The following DNASE1 variants were observed in gnomAD, a reference collection of about 807,000 sequenced individuals.
The protein encoded by DNASE1 is deoxyribonuclease-1.
Under a neutral mutation model 33.9 loss-of-function variants are expected in DNASE1, and 40 were observed. The observed-to-expected ratio is 1.18, with a 90% CI of 0.92 to 1.54. The LOEUF (loss-of-function observed/expected upper bound fraction) is 1.54, where lower values mean the gene tolerates loss of function less well. DNASE1 is among the 40% of genes most tolerant of loss of function. The pLI, the probability that DNASE1 is intolerant of heterozygous loss-of-function variation, is 0.00. For missense variants in DNASE1, 518 were observed against 372.6 expected (o/e 1.39, Z -3.21); for synonymous variants, 216 against 160.0 (o/e 1.35, Z -2.64).
At chr16:3,645,384 T>C (rs1244302612) in intron 1 of DNASE1, among the ~76,000 whole-genome samples, 1 of 152,152 alleles carries the variant, frequency 6.6e-6, no homozygotes, top group Admixed American at 6.6e-5. Context: ...CACACTGGAG[T>C]CCAGTTGCAG....
intron 1 of DNASE1, among the ~76,000 whole-genome samples, chr16:3,620,007 CG>C (rs1366399886): frequency 6.6e-6 from 1 of 151,628 alleles, no homozygotes; most frequent in Non-Finnish European, 1.5e-5. Context: ...CCCCCGCCTC[CG>C]GGGTTCAAGT....
chr16:3,614,131 C>T (rs556001542), intron 1 of DNASE1, among the ~76,000 whole-genome samples: 2 of 152,042 alleles, frequency 1.3e-5, no homozygotes, highest in Non-Finnish European at 2.9e-5. Context: ...CCAGGATGGT[C>T]TCGATTTCCT....
intron 1 of DNASE1, among the ~76,000 whole-genome samples, chr16:3,633,897 A>G (rs2041783987): frequency 1.3e-5 from 2 of 150,754 alleles, no homozygotes; most frequent in African/African-American, 4.9e-5. Context: ...CAAGCTCTGG[A>G]TTCCGGATTC....
chr16:3,664,625 C>T (rs1395534994), exon 10 of DNASE1: 5 of 703,900 alleles, frequency 7.1e-6, no homozygotes, highest in Non-Finnish European at 1.1e-5. Flanking sequence ...GCAGGCCTTG[C>T]TCTGCCCATC....
chr16:3,655,983 G>A (rs201970340), intron 3 of DNASE1, 46 bp downstream of exon 3: 20 of 1,612,810 alleles, frequency 1.2e-5, no homozygotes, highest in Admixed American at 3.3e-5. Context: ...TCTCGTCCAC[G>A]GCACAGCCTC....
At chr16:3,658,846 G>A (rs201862746), downstream of DNASE1, 2 of 1,613,950 alleles carry the variant, frequency 1.2e-6, no homozygotes, top group African/African-American at 1.3e-5. Context: ...AGCTGATTCA[G>A]CTTCTTGATG....
upstream of DNASE1, chr16:3,652,340 A>T (rs1463595122): frequency 6.6e-6 from 1 of 152,326 alleles, no homozygotes; most frequent in Admixed American, 6.5e-5. Flanking sequence ...TTCTTGGTGG[A>T]GGACAGTGGC....
At chr16:3,619,611 T>G (rs1467123552) in intron 1 of DNASE1, among the ~76,000 whole-genome samples, 1 of 151,834 alleles carries the variant, frequency 6.6e-6, no homozygotes, top group African/African-American at 2.4e-5. Context: ...TCTGCCCACC[T>G]CGGCCTCCCA....
At chr16:3,643,257 C>T (rs2042074613) in intron 1 of DNASE1, among the ~76,000 whole-genome samples, 2 of 152,380 alleles carry the variant, frequency 1.3e-5, no homozygotes, top group African/African-American at 2.4e-5. Context: ...AGAAGAGAGA[C>T]GGACATTAGG....
chr16:3,660,103 TG>T (rs2042985991), downstream of DNASE1: 1 of 152,144 alleles, frequency 6.6e-6, no homozygotes, highest in Admixed American at 6.5e-5. Context: ...ATTCTTAATA[TG>T]CTAATGTGGA....
chr16:3,629,483 T>G (rs1285263908), intron 1 of DNASE1, among the ~76,000 whole-genome samples: 1 of 152,202 alleles, frequency 6.6e-6, no homozygotes, highest in Non-Finnish European at 1.5e-5. Context: ...GAATTCAGTT[T>G]GCTAGTATTT....
At chr16:3,658,717 G>A (rs545124705), downstream of DNASE1, 21 of 1,368,940 alleles carry the variant, frequency 1.5e-5, no homozygotes, top group East Asian at 7.2e-5. Context: ...AGAGGAAACC[G>A]CTGTTCCACC....
chr16:3,617,640 A>T (rs1266601965), intron 1 of DNASE1, among the ~76,000 whole-genome samples: 1 of 152,160 alleles, frequency 6.6e-6, no homozygotes, highest in Admixed American at 6.6e-5. Context: ...ATTAGTGCAT[A>T]AGGATAAGGA....
At chr16:3,663,639 G>A in exon 10 of DNASE1, 1 of 1,584,952 alleles carries the variant, frequency 6.3e-7, no homozygotes, top group South Asian at 1.1e-5. Flanking sequence ...AGGGCGGCAG[G>A]AGGGCTGGGG....
chr16:3,658,215 T>C (rs1032728348), downstream of DNASE1: 2 of 1,613,674 alleles, frequency 1.2e-6, no homozygotes, highest in African/African-American at 1.3e-5. Flanking sequence ...GCAGCAATCA[T>C]GGCGTTCTCG....
chr16:3,615,502 T>A (rs557221342), intron 1 of DNASE1, among the ~76,000 whole-genome samples: 1 of 152,106 alleles, frequency 6.6e-6, no homozygotes. Context: ...GTTATTTCAG[T>A]AGGAACAGTA....
chr16:3,661,870 C>T, downstream of DNASE1: 1 of 1,324,818 alleles, frequency 7.5e-7, no homozygotes. Context: ...TATAGTTACC[C>T]ACATGTCCAC....
chr16:3,640,419 C>T (rs2041998639), upstream of DNASE1, among the ~76,000 whole-genome samples: 1 of 152,204 alleles, frequency 6.6e-6, no homozygotes, highest in African/African-American at 2.4e-5. Context: ...CTGAGTTTCC[C>T]TGCCTGCGCT....
intron 1 of DNASE1, chr16:3,612,083 G>A (rs932110938): frequency 6.6e-6 from 1 of 152,258 alleles, no homozygotes; most frequent in Admixed American, 6.5e-5. Context: ...CCGCGCTTCA[G>A]GTGCCTGGAG....
Sources: gnomAD v4.1 joint callset for allele counts (sites outside exome capture counted in the v4.1 genomes callset) on GRCh38, gnomAD v4.1.1 for gene constraint, MANE v1.5 for transcripts, NCBI Gene and HGNC (gene_info 2026-07-23, HGNC 2026-07-21) for gene names.